CELF2: variants seen among roughly 807,000 people sequenced by gnomAD.
The protein encoded by CELF2 is CUGBP Elav-like family member 2.
A neutral mutation model predicts 62.6 loss-of-function variants in CELF2; 8 were observed. The observed-to-expected ratio is 0.13, with a 90% CI of 0.07 to 0.23. The LOEUF is 0.23. Ranked by LOEUF, CELF2 falls within the 10% of genes least tolerant of loss-of-function variation. The pLI is 1.00. For synonymous variants in CELF2, 258 were observed against 250.0 expected (o/e 1.03, Z -0.30); for missense variants, 333 against 671.0 (o/e 0.50, Z 5.56).
At position 11,290,787 on chromosome 10, in the gene CELF2, C is replaced by T. The variant is rs1030650484; in HGVS notation, c.976+2235C>T. ...TTAGGTGTCACTGAGAGCGATTTTT[C>T]TCTTCTCTACTGAGGAATGCTTTGC... On this transcript the variant is annotated intron_variant, in intron 9 of 12. Transcript: ENST00000633077. This position sits in a 1 kb window ranked among gnomAD's most constrained non-coding sequence, Gnocchi z 4.3. Among the ~76,000 whole-genome samples, 2 of 152,168 alleles carry T rather than the reference C, an allele frequency of 1.3e-5. No homozygotes were observed. Among genetic ancestry groups the T allele is most frequent in the African/African-American group, 2.4e-5 (1 of 41,438 alleles).
At chr10:10,899,096 C>A (rs572134286) in intron 1 of CELF2, among the ~76,000 whole-genome samples, 2 of 152,238 alleles carry the variant, frequency 1.3e-5, no homozygotes, top group South Asian at 4.2e-4. Flanking sequence ...TGTGGGGGAT[C>A]TTTTAGCTCT....
the CELF2 span, among the ~76,000 whole-genome samples, chr10:10,578,848 T>C: frequency 4.1e-3 from 623 of 152,294 alleles, 7 homozygotes; most frequent in Middle Eastern, 0.017. Context: ...CTAATTTCCT[T>C]TTGCACCAAT....
the CELF2 span, among the ~76,000 whole-genome samples, chr10:10,564,252 G>A: frequency 1.3e-5 from 2 of 152,096 alleles, no homozygotes; most frequent in Admixed American, 1.3e-4. Context: ...GGTTTCCATG[G>A]CAATTACCGC....
At position 11,072,992 on chromosome 10, in the gene CELF2, T is replaced by G. The variant is rs1217963189; in HGVS notation, c.74+54829T>G. Among the ~76,000 whole-genome samples the G allele has an allele frequency of 3.9e-5, 6 of 151,948 alleles. No homozygotes were observed. In the East Asian group the frequency reaches 1.2e-3, roughly 29 times the overall value. On this transcript the variant is annotated intron_variant, in intron 1 of 12. Transcript: ENST00000633077. ...ATCCTATTACATTATATATTATAAG[T>G]TATTACACAAATCACACTCTTATTG...
rs765636263 is a variant in CELF2, at chr10:11,078,257, GGC to G, written c.74+60096_74+60097del. Among the ~76,000 whole-genome samples the G allele has an allele frequency of 7.8e-4, 119 of 152,174 alleles. 2 individuals are homozygous for G. The highest frequency in any genetic ancestry group is 1.5e-3 in the Non-Finnish European group (101 of 68,006). ...TATTATCCTAAAGGAAGTGGTGGGG[GGC>G]GGAATGTATGCAATGGGAAATCGAG... is the stretch of plus-strand genomic sequence containing the variant. On this transcript the variant is annotated intron_variant, in intron 1 of 12. Transcript: ENST00000633077.
intron 8 of CELF2, among the ~76,000 whole-genome samples, chr10:11,287,591 C>T (rs1489043768): frequency 6.6e-6 from 1 of 152,154 alleles, no homozygotes; most frequent in Non-Finnish European, 1.5e-5. Context: ...AAGGTAAATA[C>T]AAATATTTTA....
chr10:10,846,157 G>A, intron 1 of CELF2: 5 of 979,606 alleles, frequency 5.1e-6, no homozygotes, highest in Non-Finnish European at 3.6e-6. Context: ...GCTATTCACA[G>A]TAAGGAATCC....
intron 1 of CELF2, among the ~76,000 whole-genome samples, chr10:11,082,050 C>G (rs760452711): frequency 1.3e-5 from 2 of 152,048 alleles, no homozygotes; most frequent in Non-Finnish European, 2.9e-5. Context: ...GGCATGTGTT[C>G]CTATGGCCTG....
At chr10:10,688,213 T>C in the CELF2 span, among the ~76,000 whole-genome samples, 1 of 152,216 alleles carries the variant, frequency 6.6e-6, no homozygotes, top group Admixed American at 6.5e-5. Flanking sequence ...GCAAGAACTG[T>C]AGGTCCTGTA....
At chr10:10,515,819 A>G in the CELF2 span, among the ~76,000 whole-genome samples, 2 of 152,230 alleles carry the variant, frequency 1.3e-5, no homozygotes, top group Admixed American at 6.5e-5. Flanking sequence ...GCCATATTTT[A>G]TGGATCCTAA....
At chr10:10,872,169 T>G (rs1303300628) in intron 1 of CELF2, among the ~76,000 whole-genome samples, 1 of 152,212 alleles carries the variant, frequency 6.6e-6, no homozygotes, top group Non-Finnish European at 1.5e-5. Flanking sequence ...GGTTGGAATC[T>G]TTTTGGCAAG....
chr10:11,160,749 G>A (rs1308436234), intron 1 of CELF2, among the ~76,000 whole-genome samples: 3 of 150,252 alleles, frequency 2.0e-5, no homozygotes, highest in African/African-American at 2.4e-5. Context: ...AGGCTTTTTT[G>A]TGTGTGCTTT....
At chr10:11,026,714 C>T (rs1292081240) in intron 1 of CELF2, among the ~76,000 whole-genome samples, 1 of 152,060 alleles carries the variant, frequency 6.6e-6, no homozygotes, top group Non-Finnish European at 1.5e-5. Flanking sequence ...CTTTAATGCC[C>T]GTTTTATCCT....
chr10:10,875,907 G>C (rs968060681), intron 1 of CELF2, among the ~76,000 whole-genome samples: 4 of 152,150 alleles, frequency 2.6e-5, no homozygotes, highest in Non-Finnish European at 4.4e-5. Flanking sequence ...ACTGCTCTCT[G>C]TACTTCTAGG....
the CELF2 span, among the ~76,000 whole-genome samples, chr10:10,552,961 C>T: frequency 6.6e-6 from 1 of 152,168 alleles, no homozygotes; most frequent in Non-Finnish European, 1.5e-5. Flanking sequence ...TTGCTGTGTC[C>T]TCTCAGCAAG....
chr10:10,617,530 G>A, the CELF2 span, among the ~76,000 whole-genome samples: 1 of 152,144 alleles, frequency 6.6e-6, no homozygotes, highest in Admixed American at 6.5e-5. Flanking sequence ...GCTTAGAGAG[G>A]GTGCCTAGCA....
chr10:11,068,869 C>A (rs1291080557), intron 1 of CELF2, among the ~76,000 whole-genome samples: 1 of 152,200 alleles, frequency 6.6e-6, no homozygotes, highest in African/African-American at 2.4e-5. Context: ...CTCATTATTT[C>A]TTTTAAGGCA....
At chr10:11,044,043 A>G (rs1304900341) in intron 1 of CELF2, among the ~76,000 whole-genome samples, 1 of 152,106 alleles carries the variant, frequency 6.6e-6, no homozygotes, top group African/African-American at 2.4e-5. Flanking sequence ...CTCTTCCCTC[A>G]GTTGTGGGCA....
the CELF2 span, among the ~76,000 whole-genome samples, chr10:10,679,588 C>T: frequency 6.6e-6 from 1 of 152,280 alleles, no homozygotes; most frequent in East Asian, 1.9e-4. Flanking sequence ...CCATGCCTGG[C>T]CCTATGTTTT....
Sources: allele counts gnomAD v4.1 joint callset (sites outside exome capture counted in the v4.1 genomes callset), GRCh38; gene constraint gnomAD v4.1.1; non-coding constraint Gnocchi (gnomAD v3.1); transcripts MANE v1.5; gene names NCBI Gene and HGNC (gene_info 2026-07-23, HGNC 2026-07-21).